The following BCOR variants were observed in gnomAD, a reference collection of about 807,000 sequenced individuals.
BCOR encodes the protein BCL6 corepressor, also known as BCL-6 corepressor.
A neutral mutation model predicts 86.7 loss-of-function variants in BCOR; 10 were observed. The ratio of observed to expected loss-of-function variants is 0.12; its 90% CI spans 0.07 to 0.20. The LOEUF (loss-of-function observed/expected upper bound fraction) is 0.20, where lower values mean the gene tolerates loss of function less well. Ranked by LOEUF, BCOR falls within the 10% of genes least tolerant of loss-of-function variation. The pLI is 1.00. For missense variants in BCOR, 1,259 were observed against 1,452.1 expected (o/e 0.87, Z 2.16); for synonymous variants, 611 against 609.0 (o/e 1.00, Z -0.05).
chrX:40,075,976 C>G (rs1445726950), intron 3 of BCOR, among the ~76,000 whole-genome samples: 1 of 110,921 alleles, frequency 9.0e-6, no homozygotes, highest in African/African-American at 3.3e-5. Flanking sequence ...CTTAACAGAA[C>G]AAGAAACGAT....
chrX:40,062,716 C>G, intron 9 of BCOR, 30 bp downstream of exon 9: 1 of 1,181,374 alleles, frequency 8.5e-7, no homozygotes. Context: ...TTCGCACAGG[C>G]CCCAGAGGGA....
chrX:40,059,232 C>T (rs1238327087), intron 10 of BCOR, among the ~76,000 whole-genome samples: 1 of 112,253 alleles, frequency 8.9e-6, no homozygotes, highest in African/African-American at 3.2e-5. Context: ...CGTAACACTT[C>T]TGATGTTCCC....
chrX:40,109,726 G>A (rs1360393309), intron 1 of BCOR, among the ~76,000 whole-genome samples: 2 of 113,075 alleles, frequency 1.8e-5, no homozygotes, highest in Non-Finnish European at 3.8e-5. Context: ...CCCGGAGGGC[G>A]TGGGGGGCGG....
intron 1 of BCOR, among the ~76,000 whole-genome samples, chrX:40,094,483 C>T (rs1330336805): frequency 2.7e-5 from 3 of 113,152 alleles, no homozygotes; most frequent in Admixed American, 1.8e-4. Flanking sequence ...TCCGGCCCCC[C>T]GCGCTCCCAC....
chrX:40,119,776 C>T (rs1029145198), intron 1 of BCOR, among the ~76,000 whole-genome samples: 2 of 111,009 alleles, frequency 1.8e-5, no homozygotes, highest in East Asian at 5.6e-4. Flanking sequence ...TCAAGCTGTA[C>T]TCTCAGGATT....
Position 40,062,885 on chromosome X carries a change from G to C in BCOR, c.4034C>G (p.Ser1345Cys). The stretch of plus-strand genomic sequence containing the variant: ...GTTGTCGGTGTATTTCTGCAGCAGG[G>C]AGGCAGCCTGGCAATCCTCTTCTTC... Reference protein sequence around the residue: ...ADEEEDCQAASLLQKYTDNSE... With the variant: ...ADEEEDCQAACLLQKYTDNSE... The change falls in exon 9 of 15, where the codon TCC becomes TGC. Residue 1345 changes from serine (S) to cysteine (C), a missense_variant. By Grantham distance (112) the Ser-to-Cys change is moderately radical. This residue lies in a region of BCOR where 305 missense variants were observed against 286.1 expected (regional missense o/e 1.07). Coordinates refer to ENST00000378444, the MANE Select transcript of BCOR (RefSeq NM_001123385.2). 2 of 1,211,227 alleles carry C rather than the reference G, an allele frequency of 1.7e-6. No homozygotes were observed. Among genetic ancestry groups the C allele is most frequent in the Non-Finnish European group, 2.2e-6 (2 of 895,198 alleles).
At chrX:40,091,130 A>T (rs1319621810) in intron 1 of BCOR, among the ~76,000 whole-genome samples, 2 of 111,268 alleles carry the variant, frequency 1.8e-5, no homozygotes, top group Non-Finnish European at 3.8e-5. Flanking sequence ...CCATCCCCCA[A>T]CAGTTCCCCT....
At chrX:40,123,384 C>T (rs1602241371) in intron 1 of BCOR, among the ~76,000 whole-genome samples, 1 of 109,032 alleles carries the variant, frequency 9.2e-6, no homozygotes, top group East Asian at 2.9e-4. Flanking sequence ...GACAGTTTCA[C>T]TCTTGTCACC....
intron 1 of BCOR, among the ~76,000 whole-genome samples, chrX:40,159,867 T>G (rs1038658985): frequency 2.7e-5 from 3 of 110,761 alleles, no homozygotes; most frequent in African/African-American, 9.9e-5. Context: ...TCAAAGAAAA[T>G]TAGGCAAATA....
At chrX:40,119,635 T>C (rs1046887339) in intron 1 of BCOR, among the ~76,000 whole-genome samples, 2 of 110,091 alleles carry the variant, frequency 1.8e-5, no homozygotes, top group Admixed American at 9.7e-5. Flanking sequence ...TGAGACTCTG[T>C]CTCATTAAAA....
At chrX:40,112,598 T>C (rs1377710434) in intron 1 of BCOR, among the ~76,000 whole-genome samples, 1 of 111,643 alleles carries the variant, frequency 9.0e-6, no homozygotes, top group Non-Finnish European at 1.9e-5. Context: ...TCCATGGTCC[T>C]AATCACTTTG....
chrX:40,159,059 T>TA (rs1938359369), intron 1 of BCOR, among the ~76,000 whole-genome samples: 1 of 103,884 alleles, frequency 9.6e-6, no homozygotes, highest in Non-Finnish European at 2.0e-5. Context: ...TCTTTATTTC[T>TA]AAAAATGTAG....
chrX:40,133,412 AGGCGTGAG>A (rs1203793648), intron 1 of BCOR, among the ~76,000 whole-genome samples: 1 of 107,932 alleles, frequency 9.3e-6, no homozygotes, highest in Non-Finnish European at 1.9e-5. Context: ...CTGGGATTAC[AGGCGTGAG>A]CCACCGCCCC....
chrX:40,062,639 G>C (rs1164420740), intron 9 of BCOR, 107 bp downstream of exon 9: 6 of 832,616 alleles, frequency 7.2e-6, no homozygotes, highest in East Asian at 3.4e-5. Context: ...CGTGTGGTGT[G>C]GGGGAGGAGT....
At chrX:40,094,251 C>G (rs754847491) in intron 1 of BCOR, among the ~76,000 whole-genome samples, 51 of 112,545 alleles carry the variant, frequency 4.5e-4, no homozygotes, top group Admixed American at 2.1e-3. Context: ...CGCCTCCCCC[C>G]CCTCCAGTCC....
chrX:40,076,818 C>T, intron 2 of BCOR: 1 of 327,222 alleles, frequency 3.1e-6, no homozygotes. Context: ...AACTACTTCT[C>T]CCTCGAGATT....
chrX:40,109,521 C>T (rs943664031), intron 1 of BCOR, among the ~76,000 whole-genome samples: 2 of 112,042 alleles, frequency 1.8e-5, no homozygotes, highest in African/African-American at 3.2e-5. Flanking sequence ...GCCCCGGCCC[C>T]GGGCGGCGGA....
intron 1 of BCOR, among the ~76,000 whole-genome samples, chrX:40,143,304 G>A (rs1434360610): frequency 5.4e-5 from 6 of 111,593 alleles, no homozygotes; most frequent in Non-Finnish European, 9.4e-5. Flanking sequence ...TCTTGCTTTC[G>A]ATTTTCTCTT....
At chrX:40,082,338 A>C (rs916918060) in intron 1 of BCOR, among the ~76,000 whole-genome samples, 1 of 109,456 alleles carries the variant, frequency 9.1e-6, no homozygotes, top group Non-Finnish European at 1.9e-5. Context: ...AGTGGCACTG[A>C]CAATTTGGAA....
Sources: allele counts gnomAD v4.1 joint callset (sites outside exome capture counted in the v4.1 genomes callset), GRCh38; gene constraint gnomAD v4.1.1; regional missense constraint gnomAD v4.1.1; transcripts MANE v1.5; gene names NCBI Gene and HGNC (gene_info 2026-07-23, HGNC 2026-07-21).